The following KLHL25 variants were observed in gnomAD, a reference collection of about 807,000 sequenced individuals.
KLHL25 encodes the protein kelch like family member 25.
In KLHL25, 41 loss-of-function variants were observed where a neutral mutation model predicts 30.0. The observed-to-expected ratio is 1.37, with a 90% confidence interval of 1.07 to 1.78. The LOEUF (loss-of-function observed/expected upper bound fraction) is 1.78, where lower values mean the gene tolerates loss of function less well. KLHL25 is among the 40% of genes most tolerant of loss of function. The pLI is 0.00. For missense variants in KLHL25, 971 were observed against 824.5 expected (o/e 1.18, Z -2.18); for synonymous variants, 399 against 355.3 (o/e 1.12, Z -1.38).
intron 1 of KLHL25, among the ~76,000 whole-genome samples, chr15:85,773,627 C>CCGAA (rs2089691614): frequency 6.6e-6 from 1 of 152,046 alleles, no homozygotes; most frequent in African/African-American, 2.4e-5. Flanking sequence ...GTGTCATCCT[C>CCGAA]CGAACTGCTG....
Position 85,769,580 on chromosome 15 carries a change from A to T in KLHL25, c.231T>A (p.His77Gln), listed in dbSNP as rs371227078. 6.2e-7 allele frequency: 1 copy of T among 1,613,668 alleles called. No individual in the cohort carries two copies. The highest frequency in any genetic ancestry group is 8.5e-7 in the Non-Finnish European group (1 of 1,180,034). ...SSRYFEAMFS[H>Q]GLRESRDDTV... ...TGTCATCCCGGCTCTCCCGAAGGCCATGGCTGAACATGGCCTCAAAATAGC... is the reference window on the plus strand; with the variant it reads ...TGTCATCCCGGCTCTCCCGAAGGCCTTGGCTGAACATGGCCTCAAAATAGC... The change falls in exon 2 of 3, where the codon CAT becomes CAA. Residue 77 changes from histidine to glutamine, a missense_variant. His to Gln is a conservative substitution (Grantham distance 24). Coordinates refer to ENST00000337975, the MANE Select transcript of KLHL25 (RefSeq NM_022480.4).
chr15:85,766,656 G>A (rs1452495168), intron 2 of KLHL25, among the ~76,000 whole-genome samples: 1 of 151,860 alleles, frequency 6.6e-6, no homozygotes. Context: ...CAGTGTCTCT[G>A]TCCCACCATC....
At chr15:85,762,843 G>A (rs1437652561) in intron 2 of KLHL25, 2 of 152,276 alleles carry the variant, frequency 1.3e-5, no homozygotes, top group Non-Finnish European at 2.9e-5. Context: ...TTTAAGACAG[G>A]AGAGAATGTA....
chr15:85,776,513 C>A (rs1172313403), intron 1 of KLHL25, among the ~76,000 whole-genome samples: 1 of 151,928 alleles, frequency 6.6e-6, no homozygotes, highest in Admixed American at 6.6e-5. Context: ...GCAAAAAAAA[C>A]CTTTATGCAT....
At position 85,768,853 on chromosome 15, in the gene KLHL25, T is replaced by A. The variant is rs1054307792; in HGVS notation, c.958A>T (p.Ile320Phe). ...IYQVDHKAKE[I>F]IPKADLPSPR... ...CTGGGCAGGTCGGCCTTGGGGATGA[T>A]CTCCTTGGCCTTGTGGTCCACCTGG... The change falls in exon 2 of 3, where the codon ATC becomes TTC. Residue 320 changes from isoleucine to phenylalanine, a missense_variant. Coordinates refer to ENST00000337975, the MANE Select transcript of KLHL25 (RefSeq NM_022480.4). 3 of 1,613,220 alleles carry A rather than the reference T, an allele frequency of 1.9e-6. No individual in the cohort carries two copies. Among genetic ancestry groups the A allele is most frequent in the African/African-American group, 2.7e-5 (2 of 74,944 alleles).
At chr15:85,780,241 T>C (rs1420909657) in intron 1 of KLHL25, among the ~76,000 whole-genome samples, 1 of 152,228 alleles carries the variant, frequency 6.6e-6, no homozygotes, top group Non-Finnish European at 1.5e-5. Context: ...TGGACTCCAC[T>C]GCTGTCACCA....
intron 1 of KLHL25, among the ~76,000 whole-genome samples, chr15:85,771,465 A>C (rs1206606970): frequency 6.6e-6 from 1 of 152,276 alleles, no homozygotes; most frequent in Non-Finnish European, 1.5e-5. Context: ...GTGAAATTGT[A>C]AATGAGTGTC....
intron 1 of KLHL25, among the ~76,000 whole-genome samples, chr15:85,792,350 G>A (rs1237351263): frequency 6.6e-6 from 1 of 152,178 alleles, no homozygotes; most frequent in Non-Finnish European, 1.5e-5. Context: ...ATTAAATTAT[G>A]AAATTTACCA....
chr15:85,794,873 C>T lies in KLHL25; in HGVS notation c.-118G>A, dbSNP rs372607656. On this transcript the variant is annotated 5_prime_UTR_variant, in exon 1 of 3. Transcript: ENST00000337975. The stretch of plus-strand genomic sequence containing the variant: ...CTCCCGTCGGCCGGCTCTCCACAGG[C>T]AAAAACGCTCTCGCTGCGATACAGC... 1 of 152,326 alleles carries T rather than the reference C, an allele frequency of 6.6e-6. No homozygotes were observed. The highest frequency in any genetic ancestry group is 2.1e-4 in the South Asian group (1 of 4,868). 9.4% of individuals were successfully genotyped at this position (152,326 alleles called of 1,614,324 possible).
chr15:85,760,185 T>G lies in KLHL25; in HGVS notation c.*851A>C, dbSNP rs1392688264. On this transcript the variant is annotated 3_prime_UTR_variant, in exon 3 of 3. Coordinates refer to ENST00000337975, the MANE Select transcript of KLHL25 (RefSeq NM_022480.4). ...CTCCTGGTCTTGGAGGGCAGCGTGG[T>G]CTCCTGGGGAGAAGCCCCCAGTGCT... 1 of 152,134 alleles carries G rather than the reference T, an allele frequency of 6.6e-6. No homozygotes were observed. The highest frequency in any genetic ancestry group is 1.5e-5 in the Non-Finnish European group (1 of 68,064). 9.4% of individuals were successfully genotyped at this position (152,134 alleles called of 1,614,324 possible).
chr15:85,791,132 T>C lies in KLHL25; in HGVS notation c.-11+3634A>G, dbSNP rs569335100. 3.4e-5 allele frequency among the ~76,000 whole-genome samples: 5 copies of C among 146,042 alleles called. No homozygotes were observed. In the South Asian group the frequency reaches 6.6e-4, roughly 19 times the overall value. Reference sequence around the variant, plus strand: ...AACTGGTTGACTTGAGAGGTGGAGATTGCAGTGAGCTGAGATCACACCACT... The same window carrying C: ...AACTGGTTGACTTGAGAGGTGGAGACTGCAGTGAGCTGAGATCACACCACT... On this transcript the variant is annotated intron_variant, in intron 1 of 2. Transcript: ENST00000337975.
intron 1 of KLHL25, among the ~76,000 whole-genome samples, chr15:85,777,285 T>C (rs376180222): frequency 2.1e-4 from 32 of 152,314 alleles, no homozygotes; most frequent in African/African-American, 5.8e-4. Flanking sequence ...ACCACAGCCC[T>C]TCCGCAGCCT....
intron 1 of KLHL25, among the ~76,000 whole-genome samples, chr15:85,777,542 T>C (rs2089717548): frequency 6.6e-6 from 1 of 152,242 alleles, no homozygotes. Context: ...TTTCAGTGCC[T>C]TCTCCACATG....
chr15:85,763,483 G>A (rs1177168495), intron 2 of KLHL25: 1 of 152,296 alleles, frequency 6.6e-6, no homozygotes, highest in Non-Finnish European at 1.5e-5. Flanking sequence ...CAGGACCTAC[G>A]ACAAACAGCT....
At chr15:85,771,536 C>T (rs1281728831) in intron 1 of KLHL25, among the ~76,000 whole-genome samples, 1 of 152,260 alleles carries the variant, frequency 6.6e-6, no homozygotes, top group Non-Finnish European at 1.5e-5. Context: ...AAGCCACAAA[C>T]TGACGAGATT....
chr15:85,784,716 A>T (rs1209339181), intron 1 of KLHL25, among the ~76,000 whole-genome samples: 1 of 152,162 alleles, frequency 6.6e-6, no homozygotes, highest in African/African-American at 2.4e-5. Context: ...TCCTACGACC[A>T]TAAGGAACTC....
At chr15:85,792,996 A>G (rs2089827566) in intron 1 of KLHL25, among the ~76,000 whole-genome samples, 5 of 152,162 alleles carry the variant, frequency 3.3e-5, no homozygotes, top group Admixed American at 2.6e-4. Context: ...TGTTCAAACA[A>G]TGAATCAATC....
intron 1 of KLHL25, among the ~76,000 whole-genome samples, chr15:85,784,359 G>T (rs1021805332): frequency 6.6e-6 from 1 of 151,862 alleles, no homozygotes; most frequent in African/African-American, 2.4e-5. Context: ...TGAAACCCCG[G>T]TATCTACTAA....
chr15:85,792,623 G>C (rs1305602570), intron 1 of KLHL25, among the ~76,000 whole-genome samples: 1 of 152,168 alleles, frequency 6.6e-6, no homozygotes, highest in Non-Finnish European at 1.5e-5. Flanking sequence ...CAGACACTAC[G>C]GACGAGAGCA....
Sources: gnomAD v4.1 joint callset for allele counts (sites outside exome capture counted in the v4.1 genomes callset) on GRCh38, gnomAD v4.1.1 for gene constraint, MANE v1.5 for transcripts, NCBI Gene and HGNC (gene_info 2026-07-23, HGNC 2026-07-21) for gene names.